Variants in DENND1B observed in about 807,000 individuals in gnomAD.
DENND1B encodes the protein DENN domain containing 1B, also known as DENN domain-containing protein 1B.
In DENND1B, 59 loss-of-function variants were observed where a neutral mutation model predicts 90.1. The observed-to-expected ratio is 0.65, with a 90% CI of 0.53 to 0.81. DENND1B has a LOEUF of 0.81. Among genes scored for constraint, DENND1B ranks in the 40% least tolerant of loss-of-function variants. The probability of loss-of-function intolerance (pLI) is 0.00; values close to 1 mark genes in which losing one functional copy is unlikely to be tolerated. For missense variants in DENND1B, 862 were observed against 912.6 expected, an observed-to-expected ratio of 0.94 and a Z score of 0.71; for synonymous variants, 337 against 324.6, an observed-to-expected ratio of 1.04 and a Z score of -0.41.
At chr1:197,757,937 G>A (rs1285217416) in intron 2 of DENND1B, among the ~76,000 whole-genome samples, 1 of 152,082 alleles carries the variant, frequency 6.6e-6, no homozygotes, top group East Asian at 1.9e-4. Context: ...ATTCCTTCAA[G>A]GATATAAGCC....
At chr1:197,542,093 T>C (rs984577132) in intron 18 of DENND1B, among the ~76,000 whole-genome samples, 7 of 152,200 alleles carry the variant, frequency 4.6e-5, no homozygotes, top group African/African-American at 1.7e-4. Flanking sequence ...ATTTGAAGCT[T>C]AACACAATGC....
chr1:197,586,387 AT>A (rs1373465211), intron 14 of DENND1B, among the ~76,000 whole-genome samples: 14 of 152,232 alleles, frequency 9.2e-5, no homozygotes, highest in Non-Finnish European at 1.5e-4. Context: ...ATAAATGTAT[AT>A]TTTTTCAGTT....
At chr1:197,742,532 G>GC (rs1268782038) in intron 2 of DENND1B, among the ~76,000 whole-genome samples, 2 of 152,042 alleles carry the variant, frequency 1.3e-5, no homozygotes, top group African/African-American at 4.8e-5. Context: ...AAACCAGCTG[G>GC]CCCACTATAA....
chr1:197,576,535 G>A (rs556115252), intron 15 of DENND1B, among the ~76,000 whole-genome samples: 4 of 152,316 alleles, frequency 2.6e-5, no homozygotes, highest in Middle Eastern at 3.4e-3. Flanking sequence ...AAGGTAAGAA[G>A]AGGGTAATAC....
the DENND1B span, among the ~76,000 whole-genome samples, chr1:197,781,775 A>G: frequency 6.6e-6 from 1 of 152,238 alleles, no homozygotes. Context: ...TGTGGACAAA[A>G]GAACTCAGAT....
chr1:197,646,475 C>T (rs565121992), intron 8 of DENND1B, among the ~76,000 whole-genome samples: 2 of 151,744 alleles, frequency 1.3e-5, no homozygotes, highest in African/African-American at 4.8e-5. Flanking sequence ...CAAATTTTAC[C>T]ACCCAGAATC....
intron 7 of DENND1B, among the ~76,000 whole-genome samples, chr1:197,647,498 C>T (rs1250582697): frequency 6.6e-6 from 1 of 152,130 alleles, no homozygotes; most frequent in African/African-American, 2.4e-5. Flanking sequence ...CTAAAATCTC[C>T]TCTAGTAGCT....
chr1:197,728,717 TA>T (rs547980085), intron 2 of DENND1B, among the ~76,000 whole-genome samples: 16 of 152,170 alleles, frequency 1.1e-4, no homozygotes, highest in Non-Finnish European at 2.4e-4. Context: ...TCACTGCCAC[TA>T]AATTAATCTT....
chr1:197,636,470 G>T (rs1251993595), intron 10 of DENND1B, among the ~76,000 whole-genome samples: 2 of 152,076 alleles, frequency 1.3e-5, no homozygotes, highest in Non-Finnish European at 2.9e-5. Flanking sequence ...CATATACTTT[G>T]GAATCATACA....
At chr1:197,524,032 T>G (rs1668967051) in intron 20 of DENND1B, among the ~76,000 whole-genome samples, 1 of 151,956 alleles carries the variant, frequency 6.6e-6, no homozygotes, top group Non-Finnish European at 1.5e-5. Flanking sequence ...ATTGGAAGAC[T>G]AAGGAAAGAT....
chr1:197,739,123 G>C (rs1008989729), intron 2 of DENND1B, among the ~76,000 whole-genome samples: 2 of 152,152 alleles, frequency 1.3e-5, no homozygotes, highest in African/African-American at 4.8e-5. Context: ...AAGAAATGGG[G>C]GGGAAATCCC....
At chr1:197,656,847 A>T (rs1171840228) in intron 6 of DENND1B, among the ~76,000 whole-genome samples, 1 of 150,776 alleles carries the variant, frequency 6.6e-6, no homozygotes, top group Non-Finnish European at 1.5e-5. Context: ...GGGAAAAAAA[A>T]ATTAAAATCA....
At chr1:197,681,571 A>G (rs756278891) in intron 3 of DENND1B, among the ~76,000 whole-genome samples, 19 of 152,190 alleles carry the variant, frequency 1.2e-4, no homozygotes, top group Non-Finnish European at 2.4e-4. Flanking sequence ...TCTACAACCT[A>G]AAAGTAGGCT....
chr1:197,735,704 G>T, intron 2 of DENND1B: 1 of 1,613,922 alleles, frequency 6.2e-7, no homozygotes, highest in Non-Finnish European at 8.5e-7. Context: ...GCTACGCCAG[G>T]ACCGACAGGA....
chr1:197,510,381 C>T lies in DENND1B; in HGVS notation c.*79G>A. 7.0e-7 allele frequency: 1 copy of T among 1,435,732 alleles called. No homozygotes were observed. The highest frequency in any genetic ancestry group is 9.2e-7 in the Non-Finnish European group (1 of 1,082,170). The allele number at this position is 1,435,732 out of a possible 1,614,324, so 88.9% of individuals were successfully genotyped here. ...AAAAAATTTAAATAGTATGAGTTGC[C>T]ATTCCTACAAATAATTCTGTTTATT... is the stretch of plus-strand genomic sequence containing the variant. On this transcript the variant is annotated 3_prime_UTR_variant, in exon 23 of 23. Transcript: ENST00000620048.
intron 2 of DENND1B, among the ~76,000 whole-genome samples, chr1:197,740,831 G>C (rs76312929): frequency 6.6e-6 from 1 of 152,098 alleles, no homozygotes; most frequent in Non-Finnish European, 1.5e-5. Flanking sequence ...ACAAGCTGAA[G>C]AAAAGACTAT....
At chr1:197,740,938 T>G (rs140122955) in intron 2 of DENND1B, among the ~76,000 whole-genome samples, 58 of 152,202 alleles carry the variant, frequency 3.8e-4, no homozygotes, top group African/African-American at 1.3e-3. Context: ...AAGGAAGGAG[T>G]GAAAAGCAAA....
chr1:197,558,885 T>A (rs1417602493), intron 15 of DENND1B, among the ~76,000 whole-genome samples: 1 of 151,948 alleles, frequency 6.6e-6, no homozygotes, highest in African/African-American at 2.4e-5. Flanking sequence ...TAACATTCAC[T>A]ATTCAAATTC....
At chr1:197,514,898 A>C (rs1209608105) in intron 20 of DENND1B, among the ~76,000 whole-genome samples, 1 of 151,634 alleles carries the variant, frequency 6.6e-6, no homozygotes, top group Non-Finnish European at 1.5e-5. Flanking sequence ...TTCTTCTAAA[A>C]AACACTGGTT....
Sources: allele counts gnomAD v4.1 joint callset (sites outside exome capture counted in the v4.1 genomes callset), GRCh38; gene constraint gnomAD v4.1.1; transcripts MANE v1.5; gene names NCBI Gene and HGNC (gene_info 2026-07-23, HGNC 2026-07-21).